CNTN5: variants seen among roughly 807,000 people sequenced by gnomAD.
The protein encoded by CNTN5 is contactin-5.
CNTN5 carries 77 observed loss-of-function variants against 129.1 expected under a neutral mutation model. That is an observed-to-expected ratio of 0.60 (90% CI 0.50 to 0.72). CNTN5 has a LOEUF of 0.72. Among genes scored for constraint, CNTN5 ranks in the 30% least tolerant of loss-of-function variants. The pLI, the probability that CNTN5 is intolerant of heterozygous loss-of-function variation, is 0.00. For synonymous variants in CNTN5, 509 were observed against 465.6 expected (o/e 1.09, Z -1.20); for missense variants, 1,478 against 1,328.8 (o/e 1.11, Z -1.75).
rs78071556 is a variant in CNTN5 at position 99,118,396 on chromosome 11, T to C, written c.-210+97126T>C. On this transcript the variant is annotated intron_variant, in intron 1 of 24. Coordinates refer to ENST00000524871, the MANE Select transcript of CNTN5 (RefSeq NM_014361.4). ...ATATGGGTTGCTGTTTTGGTTTCAATGTTGCTGACTTTAATACTGTTAATC... is the reference window on the plus strand; with the variant it reads ...ATATGGGTTGCTGTTTTGGTTTCAACGTTGCTGACTTTAATACTGTTAATC... 2.6e-5 allele frequency among the ~76,000 whole-genome samples: 4 copies of C among 152,280 alleles called. No homozygotes were observed. In the East Asian group the frequency reaches 7.7e-4, roughly 29 times the overall value.
intron 21 of CNTN5, among the ~76,000 whole-genome samples, chr11:100,334,876 A>G (rs899964559): frequency 2.0e-5 from 3 of 152,116 alleles, no homozygotes; most frequent in Admixed American, 6.5e-5. Context: ...ATCACCACTA[A>G]AGAACCTATC....
At chr11:99,731,418 C>G (rs942691753) in intron 3 of CNTN5, among the ~76,000 whole-genome samples, 7 of 152,118 alleles carry the variant, frequency 4.6e-5, no homozygotes, top group African/African-American at 1.7e-4. Context: ...AGTTAACTCT[C>G]TTTGTCATGG....
intron 3 of CNTN5, among the ~76,000 whole-genome samples, chr11:99,572,034 C>T (rs962119661): frequency 6.6e-6 from 1 of 152,024 alleles, no homozygotes; most frequent in African/African-American, 2.4e-5. Context: ...CATTACATGG[C>T]CCATAGCAAG....
At chr11:99,548,307 A>G (rs1948368049) in intron 2 of CNTN5, among the ~76,000 whole-genome samples, 1 of 152,202 alleles carries the variant, frequency 6.6e-6, no homozygotes, top group Admixed American at 6.5e-5. Flanking sequence ...TAGGCAAATA[A>G]TGATTCATAA....
chr11:100,190,135 T>C (rs80113585), intron 13 of CNTN5, among the ~76,000 whole-genome samples: 2,034 of 152,264 alleles, frequency 0.013, 56 homozygotes, highest in African/African-American at 0.046. Context: ...TTAAATAGTT[T>C]AATATTATCA....
At chr11:99,078,542 A>G (rs1486439451) in intron 1 of CNTN5, among the ~76,000 whole-genome samples, 1 of 152,234 alleles carries the variant, frequency 6.6e-6, no homozygotes, top group Admixed American at 6.5e-5. Context: ...GTGCATCAAC[A>G]GATGAATAAA....
chr11:99,038,971 C>A (rs1863872689), intron 1 of CNTN5, among the ~76,000 whole-genome samples: 1 of 151,972 alleles, frequency 6.6e-6, no homozygotes, highest in South Asian at 2.1e-4. Flanking sequence ...TTATATAATG[C>A]TTTTTCAATT....
intron 1 of CNTN5, among the ~76,000 whole-genome samples, chr11:99,300,889 A>G (rs2135944251): frequency 6.6e-6 from 1 of 152,058 alleles, no homozygotes; most frequent in South Asian, 2.1e-4. Context: ...TCAAAAAGAC[A>G]ATTTCATAAA....
At chr11:99,734,143 G>A (rs752360367) in intron 3 of CNTN5, among the ~76,000 whole-genome samples, 5 of 152,138 alleles carry the variant, frequency 3.3e-5, no homozygotes, top group African/African-American at 1.2e-4. Flanking sequence ...TATGGGGTAC[G>A]TGAGAAATTT....
At chr11:99,972,654 G>A (rs7127363) in intron 8 of CNTN5, among the ~76,000 whole-genome samples, 55,120 of 151,908 alleles carry the variant, frequency 0.36, 10,533 homozygotes, top group African/African-American at 0.45. Flanking sequence ...GAAAATTTCC[G>A]AAGAGAATGA....
At chr11:99,391,120 C>G (rs1353005667) in intron 2 of CNTN5, among the ~76,000 whole-genome samples, 1 of 151,960 alleles carries the variant, frequency 6.6e-6, no homozygotes, top group East Asian at 1.9e-4. Flanking sequence ...TTCTAAAACT[C>G]CAAGTTTATT....
intron 17 of CNTN5, among the ~76,000 whole-genome samples, chr11:100,265,669 G>A (rs993905544): frequency 1.6e-4 from 24 of 152,032 alleles, no homozygotes; most frequent in Admixed American, 5.2e-4. Flanking sequence ...CTCATTTTTG[G>A]CAAATGAAGT....
At chr11:99,221,786 CAATT>C (rs1178964489) in intron 1 of CNTN5, among the ~76,000 whole-genome samples, 1 of 151,796 alleles carries the variant, frequency 6.6e-6, no homozygotes, top group African/African-American at 2.4e-5. Context: ...ACTTCGTAAA[CAATT>C]AAGGAATTCT....
At chr11:99,532,260 A>C (rs10893467) in intron 2 of CNTN5, among the ~76,000 whole-genome samples, 36,978 of 151,892 alleles carry the variant, frequency 0.24, 4,979 homozygotes, top group Non-Finnish European at 0.31. Context: ...GGCCCTGTAA[A>C]CCCTTTGTTT....
chr11:99,700,062 A>T (rs1954452010), intron 3 of CNTN5, among the ~76,000 whole-genome samples: 1 of 151,494 alleles, frequency 6.6e-6, no homozygotes, highest in Admixed American at 6.6e-5. Flanking sequence ...AGGTATCATC[A>T]TGAAAATGTA....
intron 9 of CNTN5, among the ~76,000 whole-genome samples, chr11:100,018,960 T>G (rs1389878295): frequency 1.3e-5 from 2 of 151,974 alleles, no homozygotes; most frequent in Non-Finnish European, 2.9e-5. Flanking sequence ...ATTTCTTTAG[T>G]TAATAGCTTG....
At chr11:99,894,028 A>G (rs1386435361) in intron 6 of CNTN5, among the ~76,000 whole-genome samples, 1 of 151,862 alleles carries the variant, frequency 6.6e-6, no homozygotes, top group Non-Finnish European at 1.5e-5. Context: ...AGCTACTGGT[A>G]TCCTTAATGC....
intron 1 of CNTN5, among the ~76,000 whole-genome samples, chr11:99,183,320 C>A (rs1591324679): frequency 6.6e-6 from 1 of 152,144 alleles, no homozygotes; most frequent in South Asian, 2.1e-4. Flanking sequence ...TCAAGGACTC[C>A]AAACCATTCT....
chr11:99,404,172 T>A (rs1279009088), intron 2 of CNTN5, among the ~76,000 whole-genome samples: 1 of 152,124 alleles, frequency 6.6e-6, no homozygotes, highest in Non-Finnish European at 1.5e-5. Flanking sequence ...TTAGTATAGC[T>A]GTTTCTGCTT....
Sources: gnomAD v4.1 joint callset for allele counts (sites outside exome capture counted in the v4.1 genomes callset) on GRCh38, gnomAD v4.1.1 for gene constraint, MANE v1.5 for transcripts, NCBI Gene and HGNC (gene_info 2026-07-23, HGNC 2026-07-21) for gene names.